ADCY9: variants seen among roughly 807,000 people sequenced by gnomAD.
The protein encoded by ADCY9 is adenylate cyclase 9.
A neutral mutation model predicts 101.5 loss-of-function variants in ADCY9; 50 were observed. The observed-to-expected ratio is 0.49, with a 90% CI of 0.39 to 0.62. The LOEUF (loss-of-function observed/expected upper bound fraction) is 0.62, where lower values mean the gene tolerates loss of function less well. Among genes scored for constraint, ADCY9 ranks in the 20% least tolerant of loss-of-function variants. The pLI is 0.00. For missense variants in ADCY9, 1,662 were observed against 1,800.4 expected, an observed-to-expected ratio of 0.92 and a Z score of 1.39; for synonymous variants, 905 against 769.3, an observed-to-expected ratio of 1.18 and a Z score of -2.92.
intron 2 of ADCY9, among the ~76,000 whole-genome samples, chr16:4,011,413 G>A (rs1275561767): frequency 6.6e-6 from 1 of 152,188 alleles, no homozygotes; most frequent in Non-Finnish European, 1.5e-5. Flanking sequence ...CACATAGGAG[G>A]CATGAGGCGT....
At chr16:4,051,622 C>A (rs2056702395) in intron 2 of ADCY9, among the ~76,000 whole-genome samples, 1 of 151,884 alleles carries the variant, frequency 6.6e-6, no homozygotes, top group African/African-American at 2.4e-5. Flanking sequence ...CTGCTTTTGG[C>A]CAAATCTGGG....
rs768405098 is a variant in ADCY9 at position 3,966,952 on chromosome 16, G to T, written c.2885C>A (p.Pro962Gln). 6.8e-5 allele frequency: 109 copies of T among 1,611,778 alleles called. No homozygotes were observed. The highest frequency in any genetic ancestry group is 8.7e-5 in the Non-Finnish European group (103 of 1,178,946). Residue 962 changes from proline (P) to glutamine (Q), a missense_variant, in exon 11 of 11, where the codon CCG becomes CAG. Coordinates refer to ENST00000294016, the MANE Select transcript of ADCY9 (RefSeq NM_001116.4). ...GTCACGCGGCACCGAACTATTGCAC[G>T]GGTTCCTCTCGGAACTGGAGAGCAA... is the stretch of plus-strand genomic sequence containing the variant. ...AVQNFSSERN[P>Q]CNSSVPRDLR...
intron 10 of ADCY9, among the ~76,000 whole-genome samples, chr16:3,969,486 GCCTCGACCTC>G (rs1468328497): frequency 7.2e-6 from 1 of 138,380 alleles, no homozygotes; most frequent in Non-Finnish European, 1.5e-5. Flanking sequence ...TGATCTGCCC[GCCTCGACCTC>G]CCAAAGTGCT....
At chr16:4,040,606 G>A (rs570556610) in intron 2 of ADCY9, among the ~76,000 whole-genome samples, 48 of 152,172 alleles carry the variant, frequency 3.2e-4, no homozygotes, top group South Asian at 2.9e-3. Flanking sequence ...ACAGGCAGCC[G>A]CCACCACACC....
At chr16:4,026,018 A>G (rs1039207815) in intron 2 of ADCY9, among the ~76,000 whole-genome samples, 6 of 152,236 alleles carry the variant, frequency 3.9e-5, no homozygotes, top group African/African-American at 1.4e-4. Context: ...GAAATAGCAA[A>G]GACAGAAGTA....
At chr16:3,997,559 C>T (rs774550128) in intron 3 of ADCY9, among the ~76,000 whole-genome samples, 44 of 152,362 alleles carry the variant, frequency 2.9e-4, no homozygotes, top group African/African-American at 7.0e-4. Flanking sequence ...AATGAGGCTG[C>T]GCTTGCAGAA....
intron 5 of ADCY9, among the ~76,000 whole-genome samples, chr16:3,989,422 C>T (rs2056225863): frequency 6.6e-6 from 1 of 151,974 alleles, no homozygotes; most frequent in African/African-American, 2.4e-5. Flanking sequence ...GTCGCCCAGG[C>T]TGGAGTGCAA....
At chr16:3,953,618 A>C (rs376171975) in intron 5 of ADCY9, 55 of 152,326 alleles carry the variant, frequency 3.6e-4, no homozygotes, top group African/African-American at 1.2e-3. Flanking sequence ...ATTAAAAAAA[A>C]ACCATCCACG....
At chr16:3,969,814 C>T (rs1261540744) in intron 10 of ADCY9, among the ~76,000 whole-genome samples, 1 of 150,960 alleles carries the variant, frequency 6.6e-6, no homozygotes, top group Admixed American at 6.6e-5. Context: ...TGAGGTCTTA[C>T]TATGTTGCCC....
chr16:4,071,924 C>T (rs986755610), intron 2 of ADCY9, among the ~76,000 whole-genome samples: 5 of 152,150 alleles, frequency 3.3e-5, no homozygotes, highest in African/African-American at 1.2e-4. Flanking sequence ...GATTCTCGCG[C>T]CTCAGCCTCC....
At chr16:3,981,426 C>A (rs990856753) in intron 7 of ADCY9, among the ~76,000 whole-genome samples, 7 of 152,136 alleles carry the variant, frequency 4.6e-5, no homozygotes, top group Admixed American at 4.6e-4. Flanking sequence ...GAAGGCAGAC[C>A]TGGGGGAGTG....
chr16:4,090,458 C>T (rs57066289), intron 2 of ADCY9, among the ~76,000 whole-genome samples: 6,254 of 152,104 alleles, frequency 0.041, 454 homozygotes, highest in African/African-American at 0.14. Context: ...GGGAGTTGAG[C>T]TTTTTCTGTG....
chr16:4,076,879 C>T (rs562903725), intron 2 of ADCY9, among the ~76,000 whole-genome samples: 8 of 152,036 alleles, frequency 5.3e-5, no homozygotes, highest in Admixed American at 2.0e-4. Context: ...GAGTCCGAGA[C>T]CAGCTTGGCC....
chr16:3,963,265 G>T lies in ADCY9; in HGVS notation c.*2510C>A. The T allele has an allele frequency of 2.5e-6, 1 of 398,230 alleles. No homozygotes were observed. Among genetic ancestry groups the T allele is most frequent in the Admixed American group, 4.4e-5 (1 of 22,690 alleles). 24.7% of individuals were successfully genotyped at this position (398,230 alleles called of 1,614,324 possible). A position where few individuals can be genotyped will look rare whatever the true frequency, so the allele number is the denominator to read the frequency against. On this transcript the variant is annotated 3_prime_UTR_variant, in exon 11 of 11. Transcript: ENST00000294016. ...CTGCCCTAAGTTCCTAAGAGGTATTGCCACCCTGAAGCACGACCCATGCCG... is the reference window on the plus strand; with the variant it reads ...CTGCCCTAAGTTCCTAAGAGGTATTTCCACCCTGAAGCACGACCCATGCCG...
At chr16:4,065,965 A>C (rs2056798762) in intron 2 of ADCY9, among the ~76,000 whole-genome samples, 1 of 152,152 alleles carries the variant, frequency 6.6e-6, no homozygotes, top group African/African-American at 2.4e-5. Flanking sequence ...TGGCCTCCCA[A>C]AGTGCTGGGA....
chr16:4,083,578 C>T (rs1597215004), intron 2 of ADCY9, among the ~76,000 whole-genome samples: 1 of 152,318 alleles, frequency 6.6e-6, no homozygotes, highest in Non-Finnish European at 1.5e-5. Flanking sequence ...AAACACTATT[C>T]ATCATAGTCA....
chr16:4,046,907 G>C (rs777845398), intron 2 of ADCY9, among the ~76,000 whole-genome samples: 2 of 152,116 alleles, frequency 1.3e-5, no homozygotes, highest in Admixed American at 6.6e-5. Context: ...CTACTTGGGA[G>C]GCTGAGGTAG....
At chr16:4,041,291 T>A (rs1030281386) in intron 2 of ADCY9, among the ~76,000 whole-genome samples, 3 of 151,986 alleles carry the variant, frequency 2.0e-5, no homozygotes, top group Non-Finnish European at 4.4e-5. Context: ...TCACCTGAGG[T>A]CAGGAGTTTG....
intron 2 of ADCY9, among the ~76,000 whole-genome samples, chr16:4,022,665 A>G (rs1047032771): frequency 1.3e-5 from 2 of 152,054 alleles, no homozygotes; most frequent in Admixed American, 6.6e-5. Context: ...CCAGTGGCTC[A>G]TGCTTGTAAT....
Sources: allele counts gnomAD v4.1 joint callset (sites outside exome capture counted in the v4.1 genomes callset), GRCh38; gene constraint gnomAD v4.1.1; transcripts MANE v1.5; gene names NCBI Gene and HGNC (gene_info 2026-07-23, HGNC 2026-07-21).